Variants in MIIP observed in about 807,000 individuals in gnomAD.
The protein encoded by MIIP is migration and invasion inhibitory protein.
MIIP carries 44 observed loss-of-function variants against 44.8 expected under a neutral mutation model. The ratio of observed to expected loss-of-function variants is 0.98; its 90% CI spans 0.77 to 1.26. The LOEUF (loss-of-function observed/expected upper bound fraction) is 1.26, where lower values mean the gene tolerates loss of function less well. MIIP is among the 50% of genes most tolerant of loss of function. The pLI is 0.00. For synonymous variants in MIIP, 225 were observed against 218.3 expected (o/e 1.03, Z -0.27); for missense variants, 496 against 511.7 (o/e 0.97, Z 0.30).
At chr1:12,019,899 G>A (rs542607350) in intron 1 of MIIP, among the ~76,000 whole-genome samples, 1 of 152,370 alleles carries the variant, frequency 6.6e-6, no homozygotes, top group South Asian at 2.1e-4. Flanking sequence ...TTAGGGGTGG[G>A]GGCCGGGATC....
At chr1:12,030,425 G>GC (rs894615128) in intron 8 of MIIP, among the ~76,000 whole-genome samples, 6 of 151,822 alleles carry the variant, frequency 4.0e-5, no homozygotes, top group Admixed American at 1.3e-4. Context: ...ATCTCATGGA[G>GC]CCCCCACAGC....
At chr1:12,031,568 C>T in intron 9 of MIIP, 154 bp from the exon 10 acceptor site, 1 of 1,592,246 alleles carries the variant, frequency 6.3e-7, no homozygotes, top group South Asian at 1.2e-5. Context: ...CTGACCCTAG[C>T]CATCCCTCGG....
Position 12,028,026 on chromosome 1 carries a change from G to C in MIIP, c.548-1007G>C, listed in dbSNP as rs186132766. On this transcript the variant is annotated intron_variant, in intron 4 of 9. Coordinates refer to ENST00000235332, the MANE Select transcript of MIIP (RefSeq NM_021933.4). ...GTTTGAGAACAGCCTGGCCAAGATG[G>C]TGAAACCCCGTCTCTACTAAAAATA... Among the ~76,000 whole-genome samples, 231 of 152,302 alleles carry C rather than the reference G, an allele frequency of 1.5e-3. 1 individual carries two copies. The highest frequency in any genetic ancestry group is 5.4e-3 in the African/African-American group (223 of 41,546).
intron 4 of MIIP, among the ~76,000 whole-genome samples, chr1:12,027,367 C>A (rs537288323): frequency 8.6e-4 from 131 of 152,304 alleles, no homozygotes; most frequent in Admixed American, 1.4e-3. Flanking sequence ...ACATGGCCCT[C>A]AGTTGGGTCA....
chr1:12,024,871 A>G (rs1224182688), intron 4 of MIIP, among the ~76,000 whole-genome samples: 5 of 152,174 alleles, frequency 3.3e-5, no homozygotes, highest in Admixed American at 3.3e-4. Flanking sequence ...AGCCCTGGAC[A>G]GTCACCATTC....
Position 12,027,453 on chromosome 1 carries a change from G to T in MIIP, c.548-1580G>T, listed in dbSNP as rs75160510. Among the ~76,000 whole-genome samples the T allele has an allele frequency of 1.6e-3, 244 of 152,194 alleles. 6 individuals are homozygous for T. The East Asian group carries it at 0.041, about 26-fold the overall frequency. ...TCCTTTGAGTAGCAGGGGACACAGT[G>T]GTCACTCCTGAAGCACTTTCTCCCC... On this transcript the variant is annotated intron_variant, in intron 4 of 9. Coordinates refer to ENST00000235332, the MANE Select transcript of MIIP (RefSeq NM_021933.4).
chr1:12,020,757 C>T (rs1639955685), intron 1 of MIIP, among the ~76,000 whole-genome samples: 1 of 152,224 alleles, frequency 6.6e-6, no homozygotes, highest in South Asian at 2.1e-4. Flanking sequence ...GATCTCGGCT[C>T]ACCGCAACCT....
intron 4 of MIIP, among the ~76,000 whole-genome samples, chr1:12,026,718 G>A (rs935017626): frequency 1.3e-5 from 2 of 152,156 alleles, no homozygotes; most frequent in African/African-American, 4.8e-5. Context: ...TGTTCCTCCC[G>A]CTGACTCCTT....
At chr1:12,028,475 G>C (rs759294190) in intron 4 of MIIP, among the ~76,000 whole-genome samples, 6 of 151,972 alleles carry the variant, frequency 3.9e-5, no homozygotes, top group Non-Finnish European at 5.9e-5. Flanking sequence ...CCATGCACAT[G>C]CCCACCCCGG....
intron 4 of MIIP, among the ~76,000 whole-genome samples, chr1:12,023,137 C>T (rs1001479469): frequency 3.4e-5 from 5 of 146,436 alleles, no homozygotes; most frequent in Non-Finnish European, 7.4e-5. Flanking sequence ...GATGTTGGCT[C>T]ACAGCAACCT....
intron 8 of MIIP, 147 bp from the exon 9 acceptor site, chr1:12,031,118 CT>C: frequency 1.1e-6 from 1 of 927,688 alleles, no homozygotes; most frequent in Admixed American, 2.9e-5. Flanking sequence ...AAGGGGAGAG[CT>C]GGGGTAGTCT....
At chr1:12,031,142 C>A in intron 8 of MIIP, 124 bp from the exon 9 acceptor site, 1 of 1,215,866 alleles carries the variant, frequency 8.2e-7, no homozygotes, top group Non-Finnish European at 1.1e-6. Flanking sequence ...TGGGTAGACA[C>A]AGGCCCTGCC....
At chr1:12,022,790 G>A in intron 3 of MIIP, 43 bp from the exon 4 acceptor site, 1 of 1,478,110 alleles carries the variant, frequency 6.8e-7, no homozygotes, top group Admixed American at 1.8e-5. Context: ...TCTGGGCCAG[G>A]CCTCTTGGCT....
chr1:12,029,502 G>A, intron 6 of MIIP: 3 of 690,582 alleles, frequency 4.3e-6, no homozygotes, highest in South Asian at 1.9e-5. Context: ...GCCCTGTGTG[G>A]CACCATCCCA....
At chr1:12,020,065 G>C (rs74052928) in intron 1 of MIIP, among the ~76,000 whole-genome samples, 24,026 of 152,254 alleles carry the variant, frequency 0.16, 2,007 homozygotes, top group African/African-American at 0.21. Flanking sequence ...TGGAGGTGGG[G>C]GGCAAGGGCT....
intron 4 of MIIP, among the ~76,000 whole-genome samples, chr1:12,023,371 T>C (rs938110647): frequency 6.9e-6 from 1 of 145,742 alleles, no homozygotes; most frequent in African/African-American, 2.6e-5. Flanking sequence ...ACAGCCACCT[T>C]CTTTGTTTTC....
intron 4 of MIIP, among the ~76,000 whole-genome samples, chr1:12,025,931 C>T (rs1236987321): frequency 6.6e-6 from 1 of 151,882 alleles, no homozygotes; most frequent in African/African-American, 2.4e-5. Flanking sequence ...CTCCTGACCT[C>T]AGGTGATCTG....
At chr1:12,029,737 G>A (rs1380389994) in intron 6 of MIIP, 28 bp from the exon 7 acceptor site, 1 of 1,596,834 alleles carries the variant, frequency 6.3e-7, no homozygotes, top group Non-Finnish European at 8.6e-7. Context: ...GGCTCAGGGA[G>A]AGCTGTGGCT....
chr1:12,028,972 TG>T, intron 4 of MIIP, 60 bp from the exon 5 acceptor site: 1 of 1,376,456 alleles, frequency 7.3e-7, no homozygotes, highest in Non-Finnish European at 1.0e-6. Context: ...CCTTGGCCGG[TG>T]GCCACACAGC....
Sources: allele counts gnomAD v4.1 joint callset (sites outside exome capture counted in the v4.1 genomes callset), GRCh38; gene constraint gnomAD v4.1.1; transcripts MANE v1.5; gene names NCBI Gene and HGNC (gene_info 2026-07-23, HGNC 2026-07-21).